Variants in ANKMY1 observed in about 807,000 individuals in gnomAD.
ANKMY1 encodes ankyrin repeat and MYND domain-containing protein 1.
A neutral mutation model predicts 102.0 loss-of-function variants in ANKMY1; 98 were observed. The observed-to-expected ratio is 0.96, with a 90% CI of 0.82 to 1.14. The LOEUF (loss-of-function observed/expected upper bound fraction) is 1.14. Ranked by LOEUF, ANKMY1 falls within the 50% of genes most tolerant of loss-of-function variation. The probability of loss-of-function intolerance (pLI) is 0.00; values close to 1 mark genes in which losing one functional copy is unlikely to be tolerated. For synonymous variants in ANKMY1, 582 were observed against 559.9 expected (o/e 1.04, Z -0.56); for missense variants, 1,330 against 1,347.6 (o/e 0.99, Z 0.20).
the ANKMY1 span, among the ~76,000 whole-genome samples, chr2:240,469,604 G>T: frequency 1.3e-5 from 2 of 152,182 alleles, no homozygotes. Flanking sequence ...AGGCCAGCAT[G>T]GGTGTCTGCT....
At position 240,492,623 on chromosome 2, in the gene ANKMY1, T is replaced by C. The variant is rs567725858; in HGVS notation, c.2806+7335A>G. On this transcript the variant is annotated intron_variant, in intron 15 of 17. Coordinates refer to ENST00000401804, the MANE Select transcript of ANKMY1 (RefSeq NM_001282771.3). ...TCTCATTCATATCCTGAATTGTTTT[T>C]CTAATTTATTTGTATTGTTTGTTCA... 3.9e-5 allele frequency among the ~76,000 whole-genome samples: 6 copies of C among 152,352 alleles called. No homozygotes were observed. In the South Asian group the frequency reaches 1.2e-3, roughly 32 times the overall value.
At chr2:240,524,637 A>T (rs2082992072) in intron 7 of ANKMY1, among the ~76,000 whole-genome samples, 1 of 152,218 alleles carries the variant, frequency 6.6e-6, no homozygotes, top group Non-Finnish European at 1.5e-5. Flanking sequence ...AGCTCACAAA[A>T]TGTGGCCTGT....
At chr2:240,543,851 GA>G (rs1472365831) in intron 4 of ANKMY1, among the ~76,000 whole-genome samples, 1 of 152,128 alleles carries the variant, frequency 6.6e-6, no homozygotes. Flanking sequence ...ATGATATGGG[GA>G]AATATGTTTC....
intron 4 of ANKMY1, among the ~76,000 whole-genome samples, chr2:240,549,464 C>T (rs2091097912): frequency 6.6e-6 from 1 of 152,224 alleles, no homozygotes; most frequent in Non-Finnish European, 1.5e-5. Context: ...GCAACGACTT[C>T]ATGTCTAAAA....
intron 15 of ANKMY1, among the ~76,000 whole-genome samples, chr2:240,494,171 G>T (rs956439865): frequency 1.3e-5 from 2 of 152,142 alleles, no homozygotes; most frequent in Non-Finnish European, 2.9e-5. Context: ...ACCAGCTGTT[G>T]TGAGTGGGCA....
chr2:240,499,942 A>G lies in ANKMY1; in HGVS notation c.2806+16T>C, dbSNP rs1193912567. ...GCCGCCCTGTGGAGCAGAGCAGAGC[A>G]GGGCCCACTGCTCACCTCTCTTGCA... On this transcript the variant is annotated intron_variant, in intron 15 of 17. Transcript: ENST00000401804. This position sits in a 1 kb window ranked among gnomAD's most constrained non-coding sequence, Gnocchi z 4.2. The G allele has an allele frequency of 6.2e-7, 1 of 1,607,828 alleles. No homozygotes were observed. The highest frequency in any genetic ancestry group is 1.1e-5 in the South Asian group (1 of 90,524).
intron 4 of ANKMY1, among the ~76,000 whole-genome samples, chr2:240,535,194 T>C (rs909926287): frequency 6.6e-6 from 1 of 152,158 alleles, no homozygotes; most frequent in Non-Finnish European, 1.5e-5. Context: ...GTTTTATATG[T>C]TTTAGGGAGG....
chr2:240,512,101 G>A lies in ANKMY1; in HGVS notation c.2146-100C>T, dbSNP rs941329238. ...AGCTTCCTCCCCAGCCTGCGGGTCT[G>A]GAGTCTCACCCTGCGAAACCCTCTT... On this transcript the variant is annotated intron_variant, in intron 10 of 17. Coordinates refer to ENST00000401804, the MANE Select transcript of ANKMY1 (RefSeq NM_001282771.3). The A allele has an allele frequency of 5.8e-6, 8 of 1,372,552 alleles. No individual in the cohort carries two copies. The Admixed American group carries it at 1.0e-4, about 18-fold the overall frequency. 85.0% of individuals were successfully genotyped at this position (1,372,552 alleles called of 1,614,324 possible). A position where few individuals can be genotyped will look rare whatever the true frequency, so the allele number is the denominator to read the frequency against.
intron 13 of ANKMY1, among the ~76,000 whole-genome samples, chr2:240,505,175 C>T (rs544735245): frequency 3.3e-5 from 5 of 150,876 alleles, no homozygotes; most frequent in Admixed American, 6.6e-5. Context: ...AAACATTAAA[C>T]GTATGGCCGG....
rs144808565 is a variant in ANKMY1 at position 240,507,620 on chromosome 2, C to T, written c.2466G>A (p.Leu822=). The stretch of plus-strand genomic sequence containing the variant: ...CGTAGGTCAGGTCACAGGCAACACA[C>T]AGGGCACTGCCCAAGCCTTTGGTCA... ...LPLTKGLGSA[L]CVACDLTYEH... The change falls in exon 13 of 18, where the codon CTG becomes CTA. Residue 822 remains leucine (L), a synonymous_variant. Transcript: ENST00000401804. 1.4e-3 allele frequency: 2,246 copies of T among 1,612,068 alleles called. 8 individuals carry two copies. The highest frequency in any genetic ancestry group is 1.6e-3 in the Non-Finnish European group (1,842 of 1,179,008).
At chr2:240,478,301 G>A (rs531833759), downstream of ANKMY1, among the ~76,000 whole-genome samples, 8 of 152,266 alleles carry the variant, frequency 5.3e-5, 1 homozygote, top group African/African-American at 1.4e-4. Flanking sequence ...AATACAGTGC[G>A]GATAATTGTC....
chr2:240,551,259 TGAGTA>T (rs368732322), intron 4 of ANKMY1, among the ~76,000 whole-genome samples: 32 of 152,308 alleles, frequency 2.1e-4, no homozygotes, highest in African/African-American at 5.5e-4. Context: ...TTAAGTGTAC[TGAGTA>T]GAGTATACAT....
upstream of ANKMY1, chr2:240,560,889 C>T: frequency 6.6e-7 from 1 of 1,514,982 alleles, no homozygotes; most frequent in Non-Finnish European, 8.7e-7. Context: ...GCTGCGCGTG[C>T]CCGTGTTCGA....
chr2:240,480,852 G>T, intron 17 of ANKMY1, 85 bp downstream of exon 17: 1 of 1,479,614 alleles, frequency 6.8e-7, no homozygotes, highest in Non-Finnish European at 9.0e-7. Flanking sequence ...GGGAAATGAG[G>T]GTGCCCCTCA....
Position 240,544,721 on chromosome 2 carries a change from C to T in ANKMY1, c.480+8193G>A, listed in dbSNP as rs536874667. On this transcript the variant is annotated intron_variant, in intron 4 of 17. Transcript: ENST00000401804. ...GAAGCGCAAGGGGTCAGGGAGTTCC[C>T]TTTCCTAGTCAAAGAAAGGGGTGAC... Among the ~76,000 whole-genome samples, 44 of 152,352 alleles carry T rather than the reference C, an allele frequency of 2.9e-4. 2 individuals carry two copies. In the South Asian group the frequency reaches 8.5e-3, roughly 29 times the overall value.
Position 240,494,399 on chromosome 2 carries a change from A to G in ANKMY1, c.2806+5559T>C, listed in dbSNP as rs572108746. ...CAGCTCACAACCAAGTCCCAGAAGC[A>G]ACTCAAGCCCCACTTACATCCCTGT... On this transcript the variant is annotated intron_variant, in intron 15 of 17. Coordinates refer to ENST00000401804, the MANE Select transcript of ANKMY1 (RefSeq NM_001282771.3). Among the ~76,000 whole-genome samples, 24 of 152,240 alleles carry G rather than the reference A, an allele frequency of 1.6e-4. No homozygotes were observed. The South Asian group carries it at 3.5e-3, about 22-fold the overall frequency.
At position 240,529,871 on chromosome 2, in the gene ANKMY1, G is replaced by A. The variant is rs1208832079; in HGVS notation, c.481-362C>T. ...AGCCCAAACACCCCAACAGGCTGGG[G>A]CAGCAGTGGGTGGGGAGGAAGTATG... On this transcript the variant is annotated intron_variant, in intron 4 of 17. Coordinates refer to ENST00000401804, the MANE Select transcript of ANKMY1 (RefSeq NM_001282771.3). This position sits in a 1 kb window ranked among gnomAD's most constrained non-coding sequence, Gnocchi z 4.2. Among the ~76,000 whole-genome samples the A allele has an allele frequency of 6.6e-6, 1 of 152,174 alleles. No homozygotes were observed. Among genetic ancestry groups the A allele is most frequent in the Non-Finnish European group, 1.5e-5 (1 of 68,028 alleles).
At chr2:240,533,718 A>C (rs1477290891) in intron 4 of ANKMY1, among the ~76,000 whole-genome samples, 3 of 145,530 alleles carry the variant, frequency 2.1e-5, no homozygotes, top group Non-Finnish European at 4.5e-5. Context: ...GATTTCAATA[A>C]ACACACACAC....
chr2:240,473,635 G>A, the ANKMY1 span, among the ~76,000 whole-genome samples: 27 of 152,180 alleles, frequency 1.8e-4, no homozygotes, highest in East Asian at 3.7e-3. Context: ...AAACAAAGGC[G>A]GAAAACTTTC....
Sources: gnomAD v4.1 joint callset for allele counts (sites outside exome capture counted in the v4.1 genomes callset) on GRCh38, gnomAD v4.1.1 for gene constraint, Gnocchi (gnomAD v3.1) non-coding constraint, MANE v1.5 for transcripts, NCBI Gene and HGNC (gene_info 2026-07-23, HGNC 2026-07-21) for gene names.